The following HAUS6 variants were observed in gnomAD, a reference collection of about 807,000 sequenced individuals.
HAUS6 encodes the protein HAUS augmin like complex subunit 6, also known as HAUS augmin-like complex subunit 6.
A neutral mutation model predicts 106.8 loss-of-function variants in HAUS6; 80 were observed. That is an observed-to-expected ratio of 0.75 (90% CI 0.63 to 0.90). The LOEUF is 0.90. HAUS6 is among the 40% of genes least tolerant of loss of function. The pLI is 0.00. For missense variants in HAUS6, 1,155 were observed against 1,118.1 expected (o/e 1.03, Z -0.47); for synonymous variants, 356 against 379.1 (o/e 0.94, Z 0.71).
rs749146311 is a variant in HAUS6, at chr9:19,056,319, T to C, written c.*24A>G. 22 of 1,069,404 alleles carry C rather than the reference T, an allele frequency of 2.1e-5. No homozygotes were observed. The highest frequency in any genetic ancestry group is 1.7e-4 in the Admixed American group (10 of 57,218). 66.2% of individuals were successfully genotyped at this position (1,069,404 alleles called of 1,614,324 possible). A position where few individuals can be genotyped will look rare whatever the true frequency, so the allele number is the denominator to read the frequency against. On this transcript the variant is annotated 3_prime_UTR_variant, in exon 17 of 17. Coordinates refer to ENST00000380502, the MANE Select transcript of HAUS6 (RefSeq NM_017645.5). ...GCATAGCTTCAATTTAAGTGCATCATAGTTATATTAAATGGGTACGTCTTC... is the reference window on the plus strand; with the variant it reads ...GCATAGCTTCAATTTAAGTGCATCACAGTTATATTAAATGGGTACGTCTTC...
chr9:19,077,253 G>A (rs1487488881), intron 10 of HAUS6, among the ~76,000 whole-genome samples: 1 of 152,210 alleles, frequency 6.6e-6, no homozygotes, highest in Admixed American at 6.5e-5. Context: ...CTTGTTTTCT[G>A]GCTGGGCACA....
chr9:19,093,674 G>A (rs1817802467), intron 3 of HAUS6, among the ~76,000 whole-genome samples: 1 of 152,132 alleles, frequency 6.6e-6, no homozygotes. Flanking sequence ...TTCAAGACCA[G>A]CCTGGCCAAC....
intron 12 of HAUS6, among the ~76,000 whole-genome samples, chr9:19,067,363 G>A (rs1250479659): frequency 6.6e-6 from 1 of 152,068 alleles, no homozygotes; most frequent in Non-Finnish European, 1.5e-5. Context: ...CTACTTCCAC[G>A]TCCCAGAAAC....
At chr9:19,076,096 A>G (rs112449513) in intron 11 of HAUS6, among the ~76,000 whole-genome samples, 19,551 of 151,786 alleles carry the variant, frequency 0.13, 1,321 homozygotes, top group Admixed American at 0.17. Context: ...TCAGTGGCTC[A>G]TGCCTGTAAT....
chr9:19,100,903 G>T (rs535010363), intron 1 of HAUS6, among the ~76,000 whole-genome samples: 1 of 152,176 alleles, frequency 6.6e-6, no homozygotes, highest in Non-Finnish European at 1.5e-5. Context: ...TGGAGGTAGG[G>T]AGTAGAATGG....
In HAUS6 at chr9:19,091,628, T is replaced by A. The variant is rs149286023; in HGVS notation, c.436+1543A>T. Among the ~76,000 whole-genome samples, 477 of 152,086 alleles carry A rather than the reference T, an allele frequency of 3.1e-3. 3 individuals are homozygous for A. The highest frequency in any genetic ancestry group is 0.011 in the African/African-American group (455 of 41,510). Reference sequence around the variant, plus strand: ...CCAGGAGTTCGAATCAAAACCAGCCTGGGCAACATAGGGAGACCCACCCCA... The same window carrying A: ...CCAGGAGTTCGAATCAAAACCAGCCAGGGCAACATAGGGAGACCCACCCCA... On this transcript the variant is annotated intron_variant, in intron 4 of 16. Coordinates refer to ENST00000380502, the MANE Select transcript of HAUS6 (RefSeq NM_017645.5).
intron 7 of HAUS6, among the ~76,000 whole-genome samples, chr9:19,083,618 C>A (rs954756412): frequency 4.0e-5 from 6 of 151,738 alleles, no homozygotes; most frequent in African/African-American, 1.2e-4. Context: ...CTGGCTAACA[C>A]GGTGAAACCC....
intron 11 of HAUS6, among the ~76,000 whole-genome samples, 188 bp from the exon 12 acceptor site, chr9:19,070,488 C>T (rs41303687): frequency 0.035 from 5,284 of 152,210 alleles, 114 homozygotes; most frequent in Non-Finnish European, 0.051. Flanking sequence ...TAATAGAGAA[C>T]ATCTAGCTTT....
At chr9:19,093,079 A>T in intron 4 of HAUS6, 92 bp downstream of exon 4, 1 of 929,414 alleles carries the variant, frequency 1.1e-6, no homozygotes, top group Admixed American at 3.0e-5. Context: ...ACTTACCTTG[A>T]TTTTACTAAG....
intron 2 of HAUS6, among the ~76,000 whole-genome samples, chr9:19,096,416 T>A (rs907020355): frequency 6.6e-6 from 1 of 151,994 alleles, no homozygotes; most frequent in African/African-American, 2.4e-5. Context: ...AATGCAAAAC[T>A]TAGCTAGGCG....
At position 19,093,078 on chromosome 9, in the gene HAUS6, G is replaced by C. The variant is rs1588626192; in HGVS notation, c.436+93C>G. On this transcript the variant is annotated intron_variant, in intron 4 of 16. Transcript: ENST00000380502. ...GTACATTAATGTTTTAACTTACCTT[G>C]ATTTTACTAAGATCTCTTCACGATT... The C allele has an allele frequency of 4.4e-6, 4 of 914,624 alleles. No homozygotes were observed. In the East Asian group the frequency reaches 1.1e-4, roughly 25 times the overall value. 56.7% of individuals were successfully genotyped at this position (914,624 alleles called of 1,614,324 possible).
At chr9:19,065,510 CA>C (rs35308347) in intron 12 of HAUS6, among the ~76,000 whole-genome samples, 69,401 of 151,450 alleles carry the variant, frequency 0.46, 17,269 homozygotes, top group African/African-American at 0.68. Flanking sequence ...TACAGACAGC[CA>C]AAAAAAAATC....
intron 11 of HAUS6, among the ~76,000 whole-genome samples, chr9:19,074,507 A>T (rs1229258505): frequency 6.6e-6 from 1 of 152,098 alleles, no homozygotes; most frequent in Non-Finnish European, 1.5e-5. Context: ...CCTGGGCTTA[A>T]GCAATCTTCC....
chr9:19,095,862 A>C (rs1381280711), intron 2 of HAUS6, among the ~76,000 whole-genome samples: 1 of 152,204 alleles, frequency 6.6e-6, no homozygotes, highest in Non-Finnish European at 1.5e-5. Flanking sequence ...AGCATATAAC[A>C]GTAGAGTAAA....
intron 12 of HAUS6, among the ~76,000 whole-genome samples, chr9:19,065,653 C>G (rs1263676974): frequency 1.3e-5 from 2 of 152,058 alleles, no homozygotes; most frequent in African/African-American, 2.4e-5. Flanking sequence ...CCAGCCTCGC[C>G]AACATGATGA....
At chr9:19,096,851 A>G in intron 1 of HAUS6, 82 bp from the exon 2 acceptor site, 1 of 617,780 alleles carries the variant, frequency 1.6e-6, no homozygotes, top group Non-Finnish European at 2.8e-6. Context: ...TAAGACTTTG[A>G]CACAAATTAA....
rs1202406355 is a variant in HAUS6 at position 19,054,371 on chromosome 9, G to T, written c.*1972C>A. 1.3e-5 allele frequency: 2 copies of T among 152,280 alleles called. No individual in the cohort carries two copies. The highest frequency in any genetic ancestry group is 3.9e-4 in the East Asian group (2 of 5,190). The allele number at this position is 152,280 out of a possible 1,614,324, so 9.4% of individuals were successfully genotyped here. ...CAAAACAGTTCCTTAAGATCAAAAG[G>T]TAACTATGTAGGAGATACTGGATAG... On this transcript the variant is annotated 3_prime_UTR_variant, in exon 17 of 17. Coordinates refer to ENST00000380502, the MANE Select transcript of HAUS6 (RefSeq NM_017645.5).
At position 19,078,154 on chromosome 9, in the gene HAUS6, GGGGCAA is replaced by G; in HGVS notation, c.1191+16_1191+21del. ...AAAAAGGTGGGTGGCGGGGAGGGCA[GGGGCAA>G]GTCAACATTACTTACTGGAGTCCAA... is the stretch of plus-strand genomic sequence containing the variant. On this transcript the variant is annotated intron_variant, in intron 10 of 16. Coordinates refer to ENST00000380502, the MANE Select transcript of HAUS6 (RefSeq NM_017645.5). The G allele has an allele frequency of 1.3e-6, 2 of 1,581,904 alleles. No individual in the cohort carries two copies. The highest frequency in any genetic ancestry group is 1.7e-6 in the Non-Finnish European group (2 of 1,165,122).
In HAUS6 at chr9:19,058,727, T is replaced by C. The variant is rs1313713269; in HGVS notation, c.2040A>G (p.Thr680=). 5 of 1,614,018 alleles carry C rather than the reference T, an allele frequency of 3.1e-6. No individual in the cohort carries two copies. The Middle Eastern group carries it at 6.6e-4, about 212-fold the overall frequency. ...TATTTAACAAATCTGACTGATTTTG[T>C]GTTGGTGGTTCATCTATGTGACTGG... ...VLTSHIDEPP[T]QNQSDLLNKK... is the part of the protein sequence containing the mutation. The change falls in exon 16 of 17, where the codon ACA becomes ACG. Residue 680 remains threonine, a synonymous_variant. Transcript: ENST00000380502.
Sources: allele counts gnomAD v4.1 joint callset (sites outside exome capture counted in the v4.1 genomes callset), GRCh38; gene constraint gnomAD v4.1.1; transcripts MANE v1.5; gene names NCBI Gene and HGNC (gene_info 2026-07-23, HGNC 2026-07-21).